Variants in PTER observed in about 807,000 individuals in gnomAD.
PTER encodes the protein N-acetyltaurine hydrolase.
In PTER, 38 loss-of-function variants were observed where a neutral mutation model predicts 29.6. The observed-to-expected ratio is 1.28, with a 90% confidence interval of 0.99 to 1.68. The LOEUF (loss-of-function observed/expected upper bound fraction) is 1.68. Among genes scored for constraint, PTER ranks in the 40% most tolerant of loss-of-function variants. The pLI is 0.00. For synonymous variants in PTER, 172 were observed against 154.5 expected, an observed-to-expected ratio of 1.11 and a Z score of -0.84; for missense variants, 482 against 427.8, an observed-to-expected ratio of 1.13 and a Z score of -1.12.
At chr10:16,458,288 G>A (rs1834486359) in intron 1 of PTER, among the ~76,000 whole-genome samples, 1 of 151,956 alleles carries the variant, frequency 6.6e-6, no homozygotes, top group Non-Finnish European at 1.5e-5. Context: ...ATGTGGTAAT[G>A]CAGTGACAAT....
At chr10:16,496,844 C>G (rs1836125168) in intron 3 of PTER, among the ~76,000 whole-genome samples, 1 of 151,924 alleles carries the variant, frequency 6.6e-6, no homozygotes, top group African/African-American at 2.4e-5. Context: ...GGATGATTCC[C>G]CTCTCTTCTC....
At chr10:16,446,202 C>A (rs996148794) in intron 1 of PTER, among the ~76,000 whole-genome samples, 1 of 150,386 alleles carries the variant, frequency 6.6e-6, no homozygotes, top group African/African-American at 2.5e-5. Flanking sequence ...GTGCAATGCA[C>A]GCCACCCCAC....
intron 1 of PTER, among the ~76,000 whole-genome samples, chr10:16,482,009 C>T (rs986799684): frequency 6.6e-6 from 1 of 152,154 alleles, no homozygotes; most frequent in East Asian, 1.9e-4. Context: ...CTGTATAGTG[C>T]CTGGCAGCTG....
In PTER at chr10:16,513,362, A is replaced by T. The variant is rs537554673; in HGVS notation, c.*2106A>T. On this transcript the variant is annotated 3_prime_UTR_variant, in exon 5 of 5. Coordinates refer to ENST00000535784, the MANE Select transcript of PTER (RefSeq NM_001261836.2). ...TTTTTTATATTAAAATTTTGAGGCTATACAGCCACTGTGCCCTGTGGAATA... is the reference window on the plus strand; with the variant it reads ...TTTTTTATATTAAAATTTTGAGGCTTTACAGCCACTGTGCCCTGTGGAATA... The T allele has an allele frequency of 1.7e-4, 26 of 152,612 alleles. No homozygotes were observed. Among genetic ancestry groups the T allele is most frequent in the Admixed American group, 1.5e-3 (23 of 15,280 alleles). The allele number at this position is 152,612 out of a possible 1,614,324, so 9.5% of individuals were successfully genotyped here. A position where few individuals can be genotyped will look rare whatever the true frequency, so the allele number is the denominator to read the frequency against.
chr10:16,508,095 G>A (rs1195545007), intron 4 of PTER, among the ~76,000 whole-genome samples: 1 of 133,918 alleles, frequency 7.5e-6, no homozygotes, highest in African/African-American at 2.9e-5. Context: ...TTGAGATGGA[G>A]ACTTGCTCTG....
At chr10:16,453,665 T>C (rs577232561) in intron 1 of PTER, among the ~76,000 whole-genome samples, 1 of 152,334 alleles carries the variant, frequency 6.6e-6, no homozygotes, top group Admixed American at 6.5e-5. Context: ...TGGAATATGG[T>C]TCATTTAAGT....
chr10:16,455,314 C>G (rs1031610600), intron 1 of PTER, among the ~76,000 whole-genome samples: 9 of 152,104 alleles, frequency 5.9e-5, no homozygotes, highest in African/African-American at 1.9e-4. Context: ...AACTTCTGAG[C>G]AGAAAAGTAC....
chr10:16,461,683 A>G (rs756219928), intron 1 of PTER, among the ~76,000 whole-genome samples: 35 of 152,318 alleles, frequency 2.3e-4, no homozygotes, highest in Non-Finnish European at 5.1e-4. Flanking sequence ...TTCCTAGACC[A>G]TTAATAAAGG....
chr10:16,484,307 G>C, intron 1 of PTER, 30 bp from the exon 2 acceptor site: 5 of 1,325,488 alleles, frequency 3.8e-6, no homozygotes, highest in Non-Finnish European at 5.2e-6. Context: ...TATTCTGATT[G>C]TAGTTGTTTG....
At chr10:16,479,742 C>T (rs1367812027) in intron 1 of PTER, among the ~76,000 whole-genome samples, 1 of 151,944 alleles carries the variant, frequency 6.6e-6, no homozygotes, top group Non-Finnish European at 1.5e-5. Context: ...GCCATCTACA[C>T]TGGTGTCATC....
At chr10:16,439,872 T>G (rs1481584730) in intron 1 of PTER, among the ~76,000 whole-genome samples, 1 of 152,096 alleles carries the variant, frequency 6.6e-6, no homozygotes, top group Admixed American at 6.5e-5. Context: ...CAACTTCAAA[T>G]CTATTAAATG....
downstream of PTER, chr10:16,514,812 A>G: frequency 1.2e-6 from 1 of 801,620 alleles, no homozygotes; most frequent in Non-Finnish European, 2.0e-6. Context: ...ATAGTACAGA[A>G]TTTAGCATAG....
chr10:16,472,412 TC>T (rs1564395297), intron 1 of PTER, among the ~76,000 whole-genome samples: 1 of 152,068 alleles, frequency 6.6e-6, no homozygotes, highest in Admixed American at 6.6e-5. Flanking sequence ...GGGGGCGGTT[TC>T]CCCCATACTG....
chr10:16,449,760 G>C (rs1834140033), intron 1 of PTER, among the ~76,000 whole-genome samples: 1 of 152,134 alleles, frequency 6.6e-6, no homozygotes, highest in South Asian at 2.1e-4. Flanking sequence ...ATTGGTGAAG[G>C]ACATATCTTC....
At chr10:16,466,184 C>A (rs187642812) in intron 1 of PTER, among the ~76,000 whole-genome samples, 1,532 of 152,226 alleles carry the variant, frequency 0.01, 21 homozygotes, top group African/African-American at 0.035. Context: ...TGTTGACTTT[C>A]CCAGGCAGGT....
At chr10:16,444,169 CTT>C (rs1046544546) in intron 1 of PTER, among the ~76,000 whole-genome samples, 12 of 151,922 alleles carry the variant, frequency 7.9e-5, no homozygotes, top group African/African-American at 2.9e-4. Context: ...GCCCAGCTAA[CTT>C]TTATATTTTT....
chr10:16,473,519 G>GAAAAAAAAAAAAA (rs72001271), intron 1 of PTER, among the ~76,000 whole-genome samples: 3 of 28,168 alleles, frequency 1.1e-4, no homozygotes, highest in East Asian at 2.7e-3. Flanking sequence ...GACTCCATCC[G>GAAAAAAAAAAAAA]AAAAAAAAAA....
chr10:16,510,614 T>G (rs568860484), intron 4 of PTER, among the ~76,000 whole-genome samples: 139 of 152,302 alleles, frequency 9.1e-4, no homozygotes, highest in African/African-American at 3.2e-3. Flanking sequence ...TCCTTGATAT[T>G]TTTTGGCCAG....
downstream of PTER, among the ~76,000 whole-genome samples, chr10:16,518,541 A>G (rs529661827): frequency 9.2e-5 from 14 of 152,366 alleles, no homozygotes; most frequent in South Asian, 4.1e-4. Flanking sequence ...CAAAACGCAC[A>G]TAGAACACCT....
Sources: gnomAD v4.1 joint callset for allele counts (sites outside exome capture counted in the v4.1 genomes callset) on GRCh38, gnomAD v4.1.1 for gene constraint, MANE v1.5 for transcripts, NCBI Gene and HGNC (gene_info 2026-07-23, HGNC 2026-07-21) for gene names.